UBE2D2: variants seen among roughly 807,000 people sequenced by gnomAD.
The protein encoded by UBE2D2 is ubiquitin conjugating enzyme E2 D2, also known as ubiquitin-conjugating enzyme E2 D2.
In UBE2D2, 2 loss-of-function variants were observed where a neutral mutation model predicts 24.2. The ratio of observed to expected loss-of-function variants is 0.08; its 90% CI spans 0.03 to 0.26. UBE2D2 has a LOEUF of 0.26. Among genes scored for constraint, UBE2D2 ranks in the 10% least tolerant of loss-of-function variants. UBE2D2 has a pLI of 1.00. For missense variants in UBE2D2, 44 were observed against 177.6 expected (o/e 0.25, Z 4.28); for synonymous variants, 58 against 56.5 (o/e 1.03, Z -0.12).
At chr5:139,585,052 C>T (rs1753699193) in intron 1 of UBE2D2, among the ~76,000 whole-genome samples, 1 of 151,072 alleles carries the variant, frequency 6.6e-6, no homozygotes, top group Non-Finnish European at 1.5e-5. Flanking sequence ...AGGCATGCAC[C>T]ACCACGCCCA....
intron 1 of UBE2D2, among the ~76,000 whole-genome samples, chr5:139,549,176 G>A (rs1181949681): frequency 2.0e-5 from 3 of 152,134 alleles, no homozygotes; most frequent in Admixed American, 6.5e-5. Flanking sequence ...ACCACTGAGA[G>A]GTGACAACGT....
chr5:139,602,786 A>G (rs1320162731), intron 2 of UBE2D2, among the ~76,000 whole-genome samples: 1 of 152,210 alleles, frequency 6.6e-6, no homozygotes. Context: ...TACTTTACAA[A>G]TAGATAAATA....
chr5:139,566,041 T>G (rs909196750), intron 1 of UBE2D2, among the ~76,000 whole-genome samples: 1 of 151,580 alleles, frequency 6.6e-6, no homozygotes, highest in Non-Finnish European at 1.5e-5. Flanking sequence ...CTTTTTTTTT[T>G]TTTTTGAGGC....
At chr5:139,550,808 C>T (rs755340176) in intron 1 of UBE2D2, among the ~76,000 whole-genome samples, 2 of 152,006 alleles carry the variant, frequency 1.3e-5, no homozygotes, top group Non-Finnish European at 2.9e-5. Context: ...ACCACAAATC[C>T]ACCAGAAGGA....
intron 1 of UBE2D2, among the ~76,000 whole-genome samples, chr5:139,547,959 C>T (rs1160669434): frequency 4.6e-5 from 7 of 151,560 alleles, no homozygotes; most frequent in East Asian, 2.0e-4. Flanking sequence ...CCTCCCAAAG[C>T]GTTGGGATTA....
At chr5:139,619,780 T>C (rs1018666459) in intron 5 of UBE2D2, among the ~76,000 whole-genome samples, 1 of 152,026 alleles carries the variant, frequency 6.6e-6, no homozygotes, top group Non-Finnish European at 1.5e-5. Flanking sequence ...GGAGAATCGC[T>C]TGAACCCGGG....
intron 5 of UBE2D2, among the ~76,000 whole-genome samples, chr5:139,619,603 C>G (rs1413459095): frequency 6.6e-6 from 1 of 152,144 alleles, no homozygotes; most frequent in East Asian, 1.9e-4. Flanking sequence ...GTGGCTCACT[C>G]TTGTAATCCC....
At chr5:139,605,611 A>G (rs972005820) in intron 2 of UBE2D2, among the ~76,000 whole-genome samples, 36 of 150,130 alleles carry the variant, frequency 2.4e-4, no homozygotes, top group Middle Eastern at 3.5e-3. Context: ...AAAAAAAAAA[A>G]AAAGAAAAGA....
chr5:139,549,655 G>A (rs1406241036), intron 1 of UBE2D2, among the ~76,000 whole-genome samples: 1 of 152,232 alleles, frequency 6.6e-6, no homozygotes. Flanking sequence ...CGGGGCTGGA[G>A]ACTCCCCGAC....
Position 139,534,720 on chromosome 5 carries a change from G to A in UBE2D2, c.-64+8108G>A, listed in dbSNP as rs1752646958. Among the ~76,000 whole-genome samples the A allele has an allele frequency of 2.0e-5, 3 of 151,498 alleles. No individual in the cohort carries two copies. In the South Asian group the frequency reaches 6.3e-4, roughly 32 times the overall value. On this transcript the variant is annotated intron_variant, in intron 1 of 6. Coordinates refer to the UBE2D2 transcript ENST00000511725. The stretch of plus-strand genomic sequence containing the variant: ...CATTGCACTCCAGCCTGGGCAACAA[G>A]AGTGAAACTCTGTCTCAAAAAAAAG...
At chr5:139,597,029 G>GAGC (rs1353690866) in intron 1 of UBE2D2, among the ~76,000 whole-genome samples, 2 of 151,514 alleles carry the variant, frequency 1.3e-5, no homozygotes, top group Non-Finnish European at 2.9e-5. Flanking sequence ...CTGAGCAACA[G>GAGC]AGCAAGACTC....
At chr5:139,585,959 AAAG>A (rs1561511674) in intron 1 of UBE2D2, among the ~76,000 whole-genome samples, 1 of 150,524 alleles carries the variant, frequency 6.6e-6, no homozygotes, top group Non-Finnish European at 1.5e-5. Flanking sequence ...AAAAAAAAAA[AAAG>A]AAGAAAGAAA....
intron 6 of UBE2D2, 145 bp downstream of exon 6, chr5:139,623,606 A>G (rs1364922157): frequency 1.9e-6 from 1 of 522,678 alleles, no homozygotes; most frequent in Non-Finnish European, 3.4e-6. Context: ...AGAGAAATAT[A>G]TGCATTGAGT....
chr5:139,591,440 CT>C (rs1346960689), intron 1 of UBE2D2, among the ~76,000 whole-genome samples: 2 of 152,046 alleles, frequency 1.3e-5, no homozygotes, highest in African/African-American at 2.4e-5. Flanking sequence ...ATTTTCTATA[CT>C]TTTAGTTGCT....
chr5:139,574,848 A>G (rs1753434281), intron 1 of UBE2D2, among the ~76,000 whole-genome samples: 1 of 151,860 alleles, frequency 6.6e-6, no homozygotes, highest in African/African-American at 2.4e-5. Context: ...GTAGAATGGG[A>G]ATTGTACCCT....
At chr5:139,530,859 G>A (rs1752589772) in intron 1 of UBE2D2, among the ~76,000 whole-genome samples, 1 of 152,148 alleles carries the variant, frequency 6.6e-6, no homozygotes, top group Admixed American at 6.5e-5. Flanking sequence ...TAAAACTCTT[G>A]TAATAAAAAT....
intron 1 of UBE2D2, among the ~76,000 whole-genome samples, chr5:139,564,190 G>A (rs1264145018): frequency 6.6e-6 from 1 of 152,052 alleles, no homozygotes; most frequent in Non-Finnish European, 1.5e-5. Context: ...TTTCAGTCTT[G>A]TCGCCCAGGC....
intron 2 of UBE2D2, among the ~76,000 whole-genome samples, chr5:139,607,751 A>T (rs1051018390): frequency 1.4e-4 from 21 of 152,228 alleles, no homozygotes; most frequent in African/African-American, 4.8e-4. Flanking sequence ...TCATGCCTGT[A>T]ATCCCAGCAC....
chr5:139,568,734 A>G (rs1392007680), intron 1 of UBE2D2, among the ~76,000 whole-genome samples: 1 of 152,144 alleles, frequency 6.6e-6, no homozygotes, highest in African/African-American at 2.4e-5. Context: ...GCATTTTGGG[A>G]TGCCGAGGTG....
Sources: gnomAD v4.1 joint callset for allele counts (sites outside exome capture counted in the v4.1 genomes callset) on GRCh38, gnomAD v4.1.1 for gene constraint, MANE v1.5 for transcripts, NCBI Gene and HGNC (gene_info 2026-07-23, HGNC 2026-07-21) for gene names.